CHD7: variants seen among roughly 807,000 people sequenced by gnomAD.
CHD7 encodes the protein chromodomain helicase DNA binding protein 7.
Under a neutral mutation model 307.3 loss-of-function variants are expected in CHD7, and 24 were observed. The observed-to-expected ratio is 0.08, with a 90% CI of 0.06 to 0.11. The LOEUF is 0.11. Ranked by LOEUF, CHD7 falls within the 10% of genes least tolerant of loss-of-function variation. The probability of loss-of-function intolerance (pLI) is 1.00; values close to 1 mark genes in which losing one functional copy is unlikely to be tolerated. For synonymous variants in CHD7, 1,363 were observed against 1,349.9 expected (o/e 1.01, Z -0.21); for missense variants, 3,106 against 3,727.1 (o/e 0.83, Z 4.34).
intron 21 of CHD7, among the ~76,000 whole-genome samples, chr8:60,843,295 G>A (rs934690829): frequency 2.6e-5 from 4 of 152,124 alleles, no homozygotes; most frequent in East Asian, 3.8e-4. Context: ...CACCCCCTGC[G>A]TCCCAAAAGC....
intron 1 of CHD7, 112 bp from the exon 2 acceptor site, chr8:60,741,147 G>A (rs180779856): frequency 6.6e-5 from 28 of 426,608 alleles, no homozygotes; most frequent in African/African-American, 3.1e-4. Flanking sequence ...AGCTAGATTC[G>A]TATTGTTGAT....
chr8:60,685,942 T>C (rs1805864261), intron 1 of CHD7, among the ~76,000 whole-genome samples: 2 of 152,236 alleles, frequency 1.3e-5, no homozygotes, highest in African/African-American at 2.4e-5. Context: ...CCAGCCAATA[T>C]GGGTGATAGA....
At chr8:60,778,105 A>C (rs1206492860) in intron 2 of CHD7, among the ~76,000 whole-genome samples, 1 of 81,686 alleles carries the variant, frequency 1.2e-5, no homozygotes, top group Non-Finnish European at 2.4e-5. Context: ...TGGGGGGTGG[A>C]GGGGGGGACA....
At chr8:60,855,556 T>C (rs1805662609) in intron 32 of CHD7, among the ~76,000 whole-genome samples, 1 of 152,238 alleles carries the variant, frequency 6.6e-6, no homozygotes, top group African/African-American at 2.4e-5. Context: ...ATCCAGCCTG[T>C]AGATCTGAAG....
chr8:60,830,109 A>G (rs1804437097), intron 14 of CHD7, among the ~76,000 whole-genome samples: 1 of 152,176 alleles, frequency 6.6e-6, no homozygotes, highest in East Asian at 1.9e-4. Flanking sequence ...GGGCTCCTGG[A>G]TGGGTGAAAT....
chr8:60,854,446 T>G lies in CHD7; in HGVS notation c.6859T>G (p.Phe2287Val). Residue 2287 changes from phenylalanine to valine, a missense_variant, in exon 32 of 38, where the codon TTC becomes GTC. Phe to Val is a conservative substitution (Grantham distance 50). Coordinates refer to ENST00000423902, the MANE Select transcript of CHD7 (RefSeq NM_017780.4). ...STARDETRDG[F>V]YMEDGDPSVA... ...TGCTAGAGATGAAACCCGAGATGGA[T>G]TCTACATGGAGGACGGAGATCCTTC... is the stretch of plus-strand genomic sequence containing the variant. 6.2e-7 allele frequency: 1 copy of G among 1,613,726 alleles called. No individual in the cohort carries two copies. The highest frequency in any genetic ancestry group is 8.5e-7 in the Non-Finnish European group (1 of 1,179,674).
chr8:60,819,503 A>T (rs986638046), intron 8 of CHD7, among the ~76,000 whole-genome samples: 7 of 152,214 alleles, frequency 4.6e-5, no homozygotes, highest in Non-Finnish European at 1.0e-4. Flanking sequence ...ACTACCAAAC[A>T]TTATAAACTC....
chr8:60,828,527 T>C, intron 13 of CHD7, 136 bp from the exon 14 acceptor site: 1 of 778,146 alleles, frequency 1.3e-6, no homozygotes, highest in East Asian at 2.7e-5. Flanking sequence ...AATACCTCTG[T>C]TTTCATGCCT....
At chr8:60,710,100 A>G (rs1807208035) in intron 1 of CHD7, among the ~76,000 whole-genome samples, 1 of 151,878 alleles carries the variant, frequency 6.6e-6, no homozygotes, top group African/African-American at 2.4e-5. Context: ...CACCTTGTTT[A>G]GATGAAATGT....
rs570140551 is a variant in CHD7, at chr8:60,758,748, G to C, written c.1665+15651G>C. Among the ~76,000 whole-genome samples the C allele has an allele frequency of 7.9e-5, 12 of 152,246 alleles. No individual in the cohort carries two copies. The East Asian group carries it at 1.2e-3, about 15-fold the overall frequency. On this transcript the variant is annotated intron_variant, in intron 2 of 37. Transcript: ENST00000423902. The stretch of plus-strand genomic sequence containing the variant: ...AACTCACAACTCTAGGCAGTTGCGC[G>C]AGCGCTCTTCTTGGTGATAGCCTTC...
At chr8:60,719,410 A>G (rs1563541405) in intron 1 of CHD7, among the ~76,000 whole-genome samples, 1 of 152,212 alleles carries the variant, frequency 6.6e-6, no homozygotes, top group Non-Finnish European at 1.5e-5. Context: ...TCTTTAAAAT[A>G]TTTGAAACGT....
intron 2 of CHD7, among the ~76,000 whole-genome samples, chr8:60,767,744 C>G (rs1211339175): frequency 6.6e-6 from 1 of 152,232 alleles, no homozygotes. Flanking sequence ...CTTGTCCTTT[C>G]TGCTTTCTCT....
At chr8:60,795,199 C>A in intron 4 of CHD7, 72 bp downstream of exon 4, 1 of 1,392,296 alleles carries the variant, frequency 7.2e-7, no homozygotes, top group Non-Finnish European at 1.0e-6. Flanking sequence ...ATGAAGTACA[C>A]AAGACCTCCC....
intron 1 of CHD7, among the ~76,000 whole-genome samples, chr8:60,710,012 C>T (rs1351023733): frequency 6.6e-6 from 1 of 151,102 alleles, no homozygotes; most frequent in Non-Finnish European, 1.5e-5. Context: ...ATTTTTATTC[C>T]CTTAGTATTG....
At chr8:60,771,061 C>A (rs1810684628) in intron 2 of CHD7, among the ~76,000 whole-genome samples, 1 of 152,206 alleles carries the variant, frequency 6.6e-6, no homozygotes, top group African/African-American at 2.4e-5. Flanking sequence ...ATGGTGATAA[C>A]TTCACTGGTT....
chr8:60,844,794 A>G, intron 21 of CHD7, 70 bp from the exon 22 acceptor site: 1 of 1,325,664 alleles, frequency 7.5e-7, no homozygotes, highest in Non-Finnish European at 1.0e-6. Context: ...CAACGCTGGT[A>G]CCTGACTTAA....
intron 1 of CHD7, among the ~76,000 whole-genome samples, chr8:60,718,758 A>G (rs1807747248): frequency 1.3e-5 from 2 of 151,312 alleles, no homozygotes; most frequent in Non-Finnish European, 2.9e-5. Context: ...AGTGTGCAGT[A>G]ACATCCTAGG....
chr8:60,693,784 G>A (rs1563520381), intron 1 of CHD7, among the ~76,000 whole-genome samples: 1 of 152,240 alleles, frequency 6.6e-6, no homozygotes, highest in African/African-American at 2.4e-5. Flanking sequence ...ACACAACAAT[G>A]TCAATAGTAT....
At chr8:60,853,858 T>C (rs1805588774) in intron 31 of CHD7, among the ~76,000 whole-genome samples, 1 of 152,230 alleles carries the variant, frequency 6.6e-6, no homozygotes, top group Non-Finnish European at 1.5e-5. Context: ...ATATTGTTAA[T>C]CATTTTGAAA....
Sources: allele counts gnomAD v4.1 joint callset (sites outside exome capture counted in the v4.1 genomes callset), GRCh38; gene constraint gnomAD v4.1.1; transcripts MANE v1.5; gene names NCBI Gene and HGNC (gene_info 2026-07-23, HGNC 2026-07-21).